KIRREL3: variants seen among roughly 807,000 people sequenced by gnomAD.
KIRREL3 encodes the protein kin of IRRE-like protein 3.
Under a neutral mutation model 89.7 loss-of-function variants are expected in KIRREL3, and 36 were observed. The ratio of observed to expected loss-of-function variants is 0.40; its 90% CI spans 0.31 to 0.53. The LOEUF is 0.53. Ranked by LOEUF, KIRREL3 falls within the 20% of genes least tolerant of loss-of-function variation. The probability of loss-of-function intolerance (pLI) is 0.49; values close to 1 mark genes in which losing one functional copy is unlikely to be tolerated. For synonymous variants in KIRREL3, 445 were observed against 441.4 expected, an observed-to-expected ratio of 1.01 and a Z score of -0.10; for missense variants, 864 against 1,056.6, an observed-to-expected ratio of 0.82 and a Z score of 2.53.
intron 4 of KIRREL3, among the ~76,000 whole-genome samples, chr11:126,512,978 A>T (rs2134403260): frequency 6.6e-6 from 1 of 152,284 alleles, no homozygotes; most frequent in East Asian, 1.9e-4. Context: ...GGATGGTGGC[A>T]GGACTGGGGC....
At position 126,909,684 on chromosome 11, in the gene KIRREL3, TC is replaced by T. The variant is rs992865890; in HGVS notation, c.55+90770del. Among the ~76,000 whole-genome samples, 1 of 152,114 alleles carries T rather than the reference TC, an allele frequency of 6.6e-6. No homozygotes were observed. The highest frequency in any genetic ancestry group is 2.4e-5 in the African/African-American group (1 of 41,422). The stretch of plus-strand genomic sequence containing the variant: ...CAAAGAAGGGAGAAATGTCCTTTGC[TC>T]TCCATAACCCTAGGGGAGGCAGGAT... On this transcript the variant is annotated intron_variant, in intron 1 of 16. Transcript: ENST00000525144. This position sits in a 1 kb window ranked among gnomAD's most constrained non-coding sequence, Gnocchi z 4.5.
At position 126,459,540 on chromosome 11, in the gene KIRREL3, C is replaced by G. The variant is rs1956478958; in HGVS notation, c.743-3086G>C. Among the ~76,000 whole-genome samples, 1 of 152,156 alleles carries G rather than the reference C, an allele frequency of 6.6e-6. No individual in the cohort carries two copies. The highest frequency in any genetic ancestry group is 6.6e-5 in the Admixed American group (1 of 15,264). On this transcript the variant is annotated intron_variant, in intron 6 of 16. Transcript: ENST00000525144. The surrounding 1 kb of genome is among the most constrained non-coding windows in gnomAD (Gnocchi z 4.8). ...AGAATATACATTTTCAGGAGTCTGC[C>G]AAGCTCCAGAGGTATAAATAGTTTA...
chr11:126,644,933 C>G (rs972055889), intron 1 of KIRREL3, among the ~76,000 whole-genome samples: 1 of 152,114 alleles, frequency 6.6e-6, no homozygotes, highest in African/African-American at 2.4e-5. Flanking sequence ...AAACAGCGAA[C>G]GTGCCAAGTC....
chr11:126,545,692 G>A (rs1360254984), intron 2 of KIRREL3, among the ~76,000 whole-genome samples: 3 of 152,030 alleles, frequency 2.0e-5, no homozygotes, highest in African/African-American at 7.3e-5. Context: ...CAGGCCTTCA[G>A]GGAGAAGGAA....
intron 1 of KIRREL3, among the ~76,000 whole-genome samples, chr11:126,847,763 A>T (rs12277365): frequency 0.035 from 5,354 of 152,324 alleles, 116 homozygotes; most frequent in African/African-American, 0.057. Context: ...GAAGCAATTG[A>T]GTAAAGTACA....
chr11:126,604,802 G>C (rs565040995), intron 1 of KIRREL3, among the ~76,000 whole-genome samples: 1 of 152,284 alleles, frequency 6.6e-6, no homozygotes, highest in South Asian at 2.1e-4. Flanking sequence ...GAAAGGAGGT[G>C]ACTCAGAGAA....
At chr11:126,864,290 C>T (rs113768260) in intron 1 of KIRREL3, among the ~76,000 whole-genome samples, 18 of 152,350 alleles carry the variant, frequency 1.2e-4, no homozygotes, top group African/African-American at 4.3e-4. Flanking sequence ...ATCTCTGTCT[C>T]TTACATGAGG....
chr11:126,950,083 T>C (rs950280445), intron 1 of KIRREL3, among the ~76,000 whole-genome samples: 2 of 152,312 alleles, frequency 1.3e-5, no homozygotes, highest in Non-Finnish European at 2.9e-5. Context: ...CCTTAAAATA[T>C]GCAAGGATGG....
chr11:126,854,078 C>A (rs1219368110), intron 1 of KIRREL3, among the ~76,000 whole-genome samples: 1 of 149,726 alleles, frequency 6.7e-6, no homozygotes, highest in Admixed American at 6.7e-5. Context: ...TTAGTAAAAA[C>A]AAAGCTCCTG....
At position 126,802,822 on chromosome 11, in the gene KIRREL3, T is replaced by C. The variant is rs1373365454; in HGVS notation, c.55+197633A>G. Among the ~76,000 whole-genome samples the C allele has an allele frequency of 1.3e-5, 2 of 152,236 alleles. No homozygotes were observed. The highest frequency in any genetic ancestry group is 2.9e-5 in the Non-Finnish European group (2 of 68,036). ...TTTGTTTAGTTCAGTGATATTTCTGTGACCAGAAATATGCCATAGGAACTT... is the reference window on the plus strand; with the variant it reads ...TTTGTTTAGTTCAGTGATATTTCTGCGACCAGAAATATGCCATAGGAACTT... On this transcript the variant is annotated intron_variant, in intron 1 of 16. Coordinates refer to ENST00000525144, the MANE Select transcript of KIRREL3 (RefSeq NM_032531.4). This position sits in a 1 kb window ranked among gnomAD's most constrained non-coding sequence, Gnocchi z 5.2.
rs1164704816 is a variant in KIRREL3, at chr11:126,570,883, GA to G, written c.56-7972del. ...GCTTAAGTCTGTACATCTCAGGTGG[GA>G]AAAAAGACAGCAGTCATTTGCTGAG... On this transcript the variant is annotated intron_variant, in intron 1 of 16. Transcript: ENST00000525144. This position sits in a 1 kb window ranked among gnomAD's most constrained non-coding sequence, Gnocchi z 6.1. Among the ~76,000 whole-genome samples the G allele has an allele frequency of 3.9e-5, 6 of 152,120 alleles. No individual in the cohort carries two copies. Among genetic ancestry groups the G allele is most frequent in the Non-Finnish European group, 8.8e-5 (6 of 68,010 alleles).
intron 6 of KIRREL3, among the ~76,000 whole-genome samples, chr11:126,460,909 C>T (rs1049691960): frequency 6.6e-6 from 1 of 152,238 alleles, no homozygotes; most frequent in Non-Finnish European, 1.5e-5. Flanking sequence ...ACATTTTGTA[C>T]AGGCCTCCTG....
intron 1 of KIRREL3, among the ~76,000 whole-genome samples, chr11:126,886,421 C>T (rs1945699059): frequency 6.6e-6 from 1 of 152,180 alleles, no homozygotes; most frequent in Non-Finnish European, 1.5e-5. Context: ...AAAAATATGG[C>T]TCATTAGACA....
Position 126,983,243 on chromosome 11 carries a change from C to T in KIRREL3, c.55+17212G>A, listed in dbSNP as rs1040345169. Among the ~76,000 whole-genome samples the T allele has an allele frequency of 6.6e-6, 1 of 152,088 alleles. No individual in the cohort carries two copies. The highest frequency in any genetic ancestry group is 1.5e-5 in the Non-Finnish European group (1 of 68,018). On this transcript the variant is annotated intron_variant, in intron 1 of 16. Transcript: ENST00000525144. The surrounding 1 kb of genome is among the most constrained non-coding windows in gnomAD (Gnocchi z 4.9). ...TTATTTGATAATCCCAATAGATACA[C>T]ACGGGGGAAGGTCATTTTCTCTAAC...
intron 1 of KIRREL3, among the ~76,000 whole-genome samples, chr11:126,713,549 C>G (rs548674898): frequency 7.9e-5 from 12 of 152,092 alleles, no homozygotes; most frequent in Non-Finnish European, 1.2e-4. Flanking sequence ...GACAGGGCTG[C>G]GCTGCCTGAG....
At position 126,614,890 on chromosome 11, in the gene KIRREL3, C is replaced by T. The variant is rs564497278; in HGVS notation, c.56-51978G>A. 8.6e-5 allele frequency among the ~76,000 whole-genome samples: 13 copies of T among 152,010 alleles called. No homozygotes were observed. In the East Asian group the frequency reaches 9.7e-4, roughly 11 times the overall value. On this transcript the variant is annotated intron_variant, in intron 1 of 16. Coordinates refer to ENST00000525144, the MANE Select transcript of KIRREL3 (RefSeq NM_032531.4). This position sits in a 1 kb window ranked among gnomAD's most constrained non-coding sequence, Gnocchi z 4.6. Reference sequence around the variant, plus strand: ...GCTGAGAAGATGGATGAGCTGGGGCCGGTAAAATAGCTTTGTTCCTTGGAG... The same window carrying T: ...GCTGAGAAGATGGATGAGCTGGGGCTGGTAAAATAGCTTTGTTCCTTGGAG...
intron 1 of KIRREL3, among the ~76,000 whole-genome samples, chr11:126,825,167 A>G (rs1310891927): frequency 2.0e-5 from 3 of 152,160 alleles, no homozygotes. Flanking sequence ...AGCTACAGGT[A>G]ATGTGGCTGT....
At position 126,574,224 on chromosome 11, in the gene KIRREL3, A is replaced by G. The variant is rs1591762079; in HGVS notation, c.56-11312T>C. Reference sequence around the variant, plus strand: ...CACTGAGGATGAGAGAGGTTCCACAACCTCCCTTGCTCAAAATCACCCTGC... The same window carrying G: ...CACTGAGGATGAGAGAGGTTCCACAGCCTCCCTTGCTCAAAATCACCCTGC... On this transcript the variant is annotated intron_variant, in intron 1 of 16. Coordinates refer to ENST00000525144, the MANE Select transcript of KIRREL3 (RefSeq NM_032531.4). The surrounding 1 kb of genome is among the most constrained non-coding windows in gnomAD (Gnocchi z 5.3). Among the ~76,000 whole-genome samples, 1 of 152,040 alleles carries G rather than the reference A, an allele frequency of 6.6e-6. No homozygotes were observed. Among genetic ancestry groups the G allele is most frequent in the African/African-American group, 2.4e-5 (1 of 41,368 alleles).
At chr11:127,000,924 C>A, upstream of KIRREL3, 1 of 362,034 alleles carries the variant, frequency 2.8e-6, no homozygotes, top group Non-Finnish European at 4.9e-6. The surrounding 1 kb of genome is among the most constrained non-coding windows in gnomAD (Gnocchi z 7.1). Context: ...AGGAAACACT[C>A]GGAAAAAGGA....
Sources: gnomAD v4.1 joint callset for allele counts (sites outside exome capture counted in the v4.1 genomes callset) on GRCh38, gnomAD v4.1.1 for gene constraint, Gnocchi (gnomAD v3.1) non-coding constraint, MANE v1.5 for transcripts, NCBI Gene and HGNC (gene_info 2026-07-23, HGNC 2026-07-21) for gene names.